The following KAZN variants were observed in gnomAD, a reference collection of about 807,000 sequenced individuals.
KAZN encodes kazrin, periplakin interacting protein.
Under a neutral mutation model 87.4 loss-of-function variants are expected in KAZN, and 40 were observed. The observed-to-expected ratio is 0.46, with a 90% confidence interval of 0.36 to 0.60. KAZN has a LOEUF of 0.60. Ranked by LOEUF, KAZN falls within the 20% of genes least tolerant of loss-of-function variation. The pLI, the probability that KAZN is intolerant of heterozygous loss-of-function variation, is 0.00. For missense variants in KAZN, 898 were observed against 1,073.9 expected (o/e 0.84, Z 2.29); for synonymous variants, 466 against 458.3 (o/e 1.02, Z -0.22).
At chr1:14,479,408 A>G (rs1186136017) in intron 2 of KAZN, among the ~76,000 whole-genome samples, 3 of 152,202 alleles carry the variant, frequency 2.0e-5, no homozygotes, top group Non-Finnish European at 4.4e-5. Flanking sequence ...AAAATGTCCA[A>G]CTTTCTTAAT....
At chr1:14,573,732 A>G (rs1675009638) in intron 2 of KAZN, among the ~76,000 whole-genome samples, 1 of 152,250 alleles carries the variant, frequency 6.6e-6, no homozygotes, top group South Asian at 2.1e-4. Context: ...CAAAGCTAAA[A>G]TATGTTATAA....
At position 14,070,302 on chromosome 1, in the gene KAZN, C is replaced by T. The variant is rs577275170; in HGVS notation, c.92-110133C>T. On this transcript the variant is annotated intron_variant, in intron 1 of 16. Transcript: ENST00000636203. ...TATTTTGAAATGTGAGCAAAAACCA[C>T]CTTCTTATTTATTGCAAAAACAGCC... 4.6e-5 allele frequency among the ~76,000 whole-genome samples: 7 copies of T among 151,906 alleles called. No homozygotes were observed. The East Asian group carries it at 1.4e-3, about 29-fold the overall frequency.
chr1:14,232,040 G>A (rs1317748370), intron 2 of KAZN, among the ~76,000 whole-genome samples: 2 of 152,114 alleles, frequency 1.3e-5, no homozygotes, highest in Non-Finnish European at 2.9e-5. Context: ...TTCCATGGGT[G>A]GAACTCAGGC....
intron 1 of KAZN, among the ~76,000 whole-genome samples, chr1:14,936,898 C>T (rs1660522506): frequency 6.6e-6 from 1 of 152,210 alleles, no homozygotes; most frequent in Admixed American, 6.5e-5. Flanking sequence ...TGACAGTCCC[C>T]CTTCTGTCTC....
At position 14,592,923 on chromosome 1, in the gene KAZN, C is replaced by T. The variant is rs571552858; in HGVS notation, c.250-6060C>T. Among the ~76,000 whole-genome samples, 172 of 152,262 alleles carry T rather than the reference C, an allele frequency of 1.1e-3. 2 individuals carry two copies. The highest frequency in any genetic ancestry group is 4.0e-3 in the African/African-American group (165 of 41,526). ...CTCTGGTCTCTGAGCTAGGCAGAAACGATGCTTCTGATAGGATAGGAGAGA... is the reference window on the plus strand; with the variant it reads ...CTCTGGTCTCTGAGCTAGGCAGAAATGATGCTTCTGATAGGATAGGAGAGA... On this transcript the variant is annotated intron_variant, in intron 2 of 16. Transcript: ENST00000636203.
intron 1 of KAZN, among the ~76,000 whole-genome samples, chr1:14,669,303 G>A (rs1639769993): frequency 6.6e-6 from 1 of 152,116 alleles, no homozygotes; most frequent in Admixed American, 6.5e-5. Context: ...GCTATTAGGA[G>A]CCAGTAGGTA....
At chr1:14,890,006 G>T (rs527498743) in intron 1 of KAZN, among the ~76,000 whole-genome samples, 259 of 152,302 alleles carry the variant, frequency 1.7e-3, no homozygotes, top group Middle Eastern at 3.4e-3. Context: ...AGTTACAATG[G>T]GCTTTTTATG....
intron 2 of KAZN, among the ~76,000 whole-genome samples, chr1:14,193,332 A>G (rs1258344602): frequency 6.6e-6 from 1 of 152,180 alleles, no homozygotes; most frequent in East Asian, 1.9e-4. Context: ...GGAGACAGAG[A>G]CAAATATGCA....
intron 2 of KAZN, among the ~76,000 whole-genome samples, chr1:14,439,745 A>G (rs1037147199): frequency 1.3e-5 from 2 of 152,204 alleles, no homozygotes; most frequent in African/African-American, 2.4e-5. Flanking sequence ...ACAATGCCCA[A>G]CATGAGTGGG....
intron 2 of KAZN, among the ~76,000 whole-genome samples, chr1:14,334,811 G>A (rs970475706): frequency 1.3e-5 from 2 of 152,106 alleles, no homozygotes; most frequent in Non-Finnish European, 2.9e-5. Flanking sequence ...CCCAGAGAGA[G>A]ACAGAAGCAG....
intron 8 of KAZN, among the ~76,000 whole-genome samples, chr1:15,092,432 G>GGT (rs749584140): frequency 8.6e-5 from 13 of 151,344 alleles, no homozygotes; most frequent in Non-Finnish European, 1.0e-4. Flanking sequence ...TGTCTGTTTG[G>GGT]GTGTGTGTGT....
Position 14,376,261 on chromosome 1 carries a change from G to A in KAZN, c.249+195669G>A, listed in dbSNP as rs1016728289. ...ATACAGTACTTTCATCAGTGATATG[G>A]CTTGAATATGTCCCCCAAAGTTTAT... On this transcript the variant is annotated intron_variant, in intron 2 of 16. Coordinates refer to the KAZN transcript ENST00000636203. Among the ~76,000 whole-genome samples the A allele has an allele frequency of 2.0e-5, 3 of 152,146 alleles. No homozygotes were observed. In the East Asian group the frequency reaches 5.8e-4, roughly 29 times the overall value.
intron 1 of KAZN, among the ~76,000 whole-genome samples, chr1:14,845,328 G>T (rs1648601917): frequency 6.6e-6 from 1 of 150,792 alleles, no homozygotes. Context: ...TAGGTGGATG[G>T]ACGGATGGAT....
At chr1:15,022,645 T>C (rs755953863) in intron 2 of KAZN, among the ~76,000 whole-genome samples, 1 of 152,166 alleles carries the variant, frequency 6.6e-6, no homozygotes, top group Non-Finnish European at 1.5e-5. Context: ...CAGTTGCCAA[T>C]GTGGAAACAT....
In KAZN at chr1:15,116,511, G is replaced by T. The variant is rs1212960734; in HGVS notation, c.*1876G>T. On this transcript the variant is annotated 3_prime_UTR_variant, in exon 15 of 15. Transcript: ENST00000376030. The stretch of plus-strand genomic sequence containing the variant: ...AATCTCTGGCATGTGGCTTGGCTTT[G>T]TTGAGACTCCAAATTCCATTATCTT... 2.0e-5 allele frequency: 3 copies of T among 152,232 alleles called. No homozygotes were observed. The highest frequency in any genetic ancestry group is 7.2e-5 in the African/African-American group (3 of 41,420). 9.4% of individuals were successfully genotyped at this position (152,232 alleles called of 1,614,324 possible).
intron 2 of KAZN, among the ~76,000 whole-genome samples, chr1:14,978,885 G>A (rs531921494): frequency 6.6e-6 from 1 of 152,200 alleles, no homozygotes; most frequent in South Asian, 2.1e-4. Context: ...GGAGGTACAG[G>A]AAGAGGGCAG....
intron 2 of KAZN, among the ~76,000 whole-genome samples, chr1:14,467,325 T>A (rs535277925): frequency 1.3e-4 from 18 of 140,224 alleles, no homozygotes; most frequent in Admixed American, 3.0e-4. Flanking sequence ...TAACTTGAAA[T>A]ATATTATAAA....
intron 2 of KAZN, among the ~76,000 whole-genome samples, chr1:14,412,723 T>C (rs1166486035): frequency 6.6e-6 from 1 of 151,864 alleles, no homozygotes; most frequent in Non-Finnish European, 1.5e-5. Flanking sequence ...ATAAAGTTAA[T>C]ATAATTTTTA....
intron 2 of KAZN, among the ~76,000 whole-genome samples, chr1:15,026,581 C>T (rs1215336297): frequency 2.0e-5 from 3 of 152,126 alleles, no homozygotes; most frequent in African/African-American, 2.4e-5. Flanking sequence ...CTGAGGTTCT[C>T]GTCTCCCAAA....
Sources: gnomAD v4.1 joint callset for allele counts (sites outside exome capture counted in the v4.1 genomes callset) on GRCh38, gnomAD v4.1.1 for gene constraint, MANE v1.5 for transcripts, NCBI Gene and HGNC (gene_info 2026-07-23, HGNC 2026-07-21) for gene names.